Variants in INTS6 observed in about 807,000 individuals in gnomAD.
INTS6 encodes the protein DEAD box protein.
INTS6 carries 16 observed loss-of-function variants against 104.9 expected under a neutral mutation model. That is an observed-to-expected ratio of 0.15 (90% CI 0.10 to 0.23). INTS6 has a LOEUF of 0.23. Ranked by LOEUF, INTS6 falls within the 10% of genes least tolerant of loss-of-function variation. INTS6 has a pLI of 1.00. For synonymous variants in INTS6, 324 were observed against 358.7 expected, an observed-to-expected ratio of 0.90 and a Z score of 1.09; for missense variants, 584 against 1,062.8, an observed-to-expected ratio of 0.55 and a Z score of 6.26.
chr13:51,450,895 C>T (rs1593787783), intron 3 of INTS6, 130 bp downstream of exon 3: 1 of 1,316,112 alleles, frequency 7.6e-7, no homozygotes, highest in East Asian at 2.8e-5. Flanking sequence ...TGCCTTTGAA[C>T]AATGTGCATA....
the INTS6 span, among the ~76,000 whole-genome samples, chr13:51,344,762 A>G: frequency 1.3e-5 from 2 of 152,176 alleles, no homozygotes; most frequent in African/African-American, 4.8e-5. Context: ...TGTGCTCTTC[A>G]GAGCCTCCCA....
the INTS6 span, chr13:51,348,254 G>T: frequency 6.9e-6 from 11 of 1,605,512 alleles, no homozygotes; most frequent in South Asian, 1.2e-4. Flanking sequence ...GGGGGTGCTG[G>T]AGCTTCCTTA....
intron 4 of INTS6, among the ~76,000 whole-genome samples, chr13:51,416,984 G>C (rs1956799029): frequency 6.6e-6 from 1 of 152,158 alleles, no homozygotes; most frequent in Non-Finnish European, 1.5e-5. Flanking sequence ...ATGATGGTGA[G>C]CATCTTTTCA....
intron 13 of INTS6, among the ~76,000 whole-genome samples, chr13:51,375,775 G>GCA (rs1491527056): frequency 1.3e-3 from 196 of 152,124 alleles, no homozygotes; most frequent in African/African-American, 4.2e-3. Context: ...GTGCGCGCGC[G>GCA]TGCGCGCATG....
At chr13:51,417,191 T>C (rs1465884007) in intron 4 of INTS6, among the ~76,000 whole-genome samples, 5 of 152,234 alleles carry the variant, frequency 3.3e-5, no homozygotes, top group African/African-American at 1.2e-4. Flanking sequence ...TTCTTGACAG[T>C]ATCCTTTGAA....
At chr13:51,341,284 C>A in the INTS6 span, 1 of 1,613,714 alleles carries the variant, frequency 6.2e-7, no homozygotes, top group Non-Finnish European at 8.5e-7. Context: ...GGAGATCCTG[C>A]AGTTTGGAGC....
At position 51,369,319 on chromosome 13, in the gene INTS6, A is replaced by G; in HGVS notation, c.2105-9T>C. 6.3e-7 allele frequency: 1 copy of G among 1,590,908 alleles called. No individual in the cohort carries two copies. The highest frequency in any genetic ancestry group is 8.6e-7 in the Non-Finnish European group (1 of 1,166,922). ...ATTAGTGGTTTCTGAAACTAAAAAC[A>G]AAGATACGGGGAAAAAATTATGGGA... On this transcript the variant is annotated splice_polypyrimidine_tract_variant and intron_variant, in intron 15 of 17. Coordinates refer to ENST00000311234, the MANE Select transcript of INTS6 (RefSeq NM_012141.3).
intron 4 of INTS6, among the ~76,000 whole-genome samples, chr13:51,406,251 C>A (rs562338783): frequency 6.6e-6 from 1 of 152,104 alleles, no homozygotes; most frequent in African/African-American, 2.4e-5. Flanking sequence ...GTATTTTGAG[C>A]CTCTATCTCT....
chr13:51,341,355 G>A, the INTS6 span: 2 of 1,577,400 alleles, frequency 1.3e-6, no homozygotes, highest in African/African-American at 1.3e-5. Flanking sequence ...ATGGTAAGAG[G>A]CCTGCCCACG....
At chr13:51,355,408 ACCCT>A (rs1359424193) in intron 3 of INTS6, among the ~76,000 whole-genome samples, 1 of 151,804 alleles carries the variant, frequency 6.6e-6, no homozygotes, top group Non-Finnish European at 1.5e-5. Context: ...CAGTAAACAG[ACCCT>A]CCCTCTAACC....
chr13:51,399,918 A>G (rs1367172282), intron 4 of INTS6, among the ~76,000 whole-genome samples: 1 of 152,150 alleles, frequency 6.6e-6, no homozygotes, highest in Non-Finnish European at 1.5e-5. Flanking sequence ...AATCTATTCC[A>G]GATGTCTTTT....
At chr13:51,393,734 TAG>T (rs1956285910) in intron 5 of INTS6, among the ~76,000 whole-genome samples, 1 of 152,226 alleles carries the variant, frequency 6.6e-6, no homozygotes, top group African/African-American at 2.4e-5. Context: ...GGAACTTCTC[TAG>T]AGATGTTCCT....
At chr13:51,412,407 T>C (rs923102033) in intron 4 of INTS6, among the ~76,000 whole-genome samples, 1 of 152,312 alleles carries the variant, frequency 6.6e-6, no homozygotes, top group Middle Eastern at 3.4e-3. Flanking sequence ...GCAAATGCCA[T>C]TTGACTTAGG....
At chr13:51,383,259 C>A in intron 9 of INTS6, 70 bp downstream of exon 9, 6 of 1,342,096 alleles carry the variant, frequency 4.5e-6, no homozygotes, top group South Asian at 1.6e-5. Flanking sequence ...ACAAGAAAAA[C>A]TACAAAGAAA....
chr13:51,394,161 C>A (rs1227161105), intron 5 of INTS6, among the ~76,000 whole-genome samples: 1 of 151,868 alleles, frequency 6.6e-6, no homozygotes, highest in Admixed American at 6.6e-5. Flanking sequence ...ATCTATGTAA[C>A]GAGAATTGTT....
chr13:51,367,770 C>A (rs1955721112), intron 17 of INTS6, 35 bp downstream of exon 17: 10 of 1,212,272 alleles, frequency 8.2e-6, no homozygotes, highest in Non-Finnish European at 9.6e-6. Context: ...GGACTCATTT[C>A]ATCACCATTT....
At chr13:51,450,762 G>A (rs758571007) in intron 3 of INTS6, 260 of 1,082,422 alleles carry the variant, frequency 2.4e-4, no homozygotes, top group Non-Finnish European at 2.8e-4. Context: ...GAACTTTCAA[G>A]GGATTAAAAC....
In INTS6 at chr13:51,374,726, T is replaced by C. The variant is rs2137886308; in HGVS notation, c.1800A>G (p.Pro600=). Residue 600 remains proline (P), a synonymous_variant, in exon 14 of 18, where the codon CCA becomes CCG. Transcript: ENST00000311234. ...YQEYLKQVPS[P]LRELDPDQPR... Reference sequence around the variant, plus strand: ...GCTGATCAGGATCAAGTTCTCTTAGTGGAGAAGGTACTTGCTTGAGGTATT... The same window carrying C: ...GCTGATCAGGATCAAGTTCTCTTAGCGGAGAAGGTACTTGCTTGAGGTATT... 6.2e-7 allele frequency: 1 copy of C among 1,613,510 alleles called. No individual in the cohort carries two copies. The highest frequency in any genetic ancestry group is 8.5e-7 in the Non-Finnish European group (1 of 1,179,926).
chr13:51,418,732 A>G (rs1031078455), intron 4 of INTS6, among the ~76,000 whole-genome samples: 2 of 152,222 alleles, frequency 1.3e-5, no homozygotes, highest in Non-Finnish European at 1.5e-5. Flanking sequence ...AGGAAAGAGC[A>G]ATCACTTGAC....
Sources: allele counts gnomAD v4.1 joint callset (sites outside exome capture counted in the v4.1 genomes callset), GRCh38; gene constraint gnomAD v4.1.1; transcripts MANE v1.5; gene names NCBI Gene and HGNC (gene_info 2026-07-23, HGNC 2026-07-21).